Variants in GCH1 observed in about 807,000 individuals in gnomAD.
GCH1 encodes the protein GTP cyclohydrolase I.
GCH1 carries 5 observed loss-of-function variants against 25.9 expected under a neutral mutation model. The observed-to-expected ratio is 0.19, with a 90% CI of 0.10 to 0.41. The LOEUF is 0.41. Among genes scored for constraint, GCH1 ranks in the 10% least tolerant of loss-of-function variants. GCH1 has a pLI of 1.00. For missense variants in GCH1, 261 were observed against 336.5 expected (o/e 0.78, Z 1.75); for synonymous variants, 159 against 129.6 (o/e 1.23, Z -1.54).
intron 1 of GCH1, among the ~76,000 whole-genome samples, chr14:54,872,047 A>C (rs1199824658): frequency 6.6e-6 from 1 of 152,154 alleles, no homozygotes; most frequent in Non-Finnish European, 1.5e-5. Context: ...CATAATTGTC[A>C]GATTCACCAA....
intron 1 of GCH1, among the ~76,000 whole-genome samples, chr14:54,868,721 C>T (rs1012698151): frequency 1.3e-5 from 2 of 151,936 alleles, no homozygotes; most frequent in Admixed American, 6.6e-5. Context: ...CCTGCCTCAG[C>T]CTCCTAAGTA....
chr14:54,871,927 G>C (rs1284968894), intron 1 of GCH1, among the ~76,000 whole-genome samples: 2 of 152,132 alleles, frequency 1.3e-5, no homozygotes, highest in Non-Finnish European at 2.9e-5. Context: ...CACTCTGCAG[G>C]ATATCATCCA....
chr14:54,859,742 G>A lies in GCH1; in HGVS notation c.454-6C>T. 1.3e-6 allele frequency: 2 copies of A among 1,551,562 alleles called. No homozygotes were observed. Among genetic ancestry groups the A allele is most frequent in the Non-Finnish European group, 1.8e-6 (2 of 1,122,936 alleles). ...GGAAGATAACCAATATGGACCTTCAGAGAAGAGACGGAAATCATTAGCTGA... is the reference window on the plus strand; with the variant it reads ...GGAAGATAACCAATATGGACCTTCAAAGAAGAGACGGAAATCATTAGCTGA... On this transcript the variant is annotated splice_polypyrimidine_tract_variant and splice_region_variant and intron_variant, in intron 2 of 5. Coordinates refer to ENST00000491895, the MANE Select transcript of GCH1 (RefSeq NM_000161.3).
intron 5 of GCH1, 146 bp downstream of exon 5, chr14:54,845,622 A>T: frequency 1.4e-6 from 1 of 708,212 alleles, no homozygotes; most frequent in East Asian, 2.6e-5. Context: ...AAGTGGTAAA[A>T]GAGCTTTAGG....
At chr14:54,888,354 G>C (rs1161783564) in intron 1 of GCH1, among the ~76,000 whole-genome samples, 1 of 151,992 alleles carries the variant, frequency 6.6e-6, no homozygotes. Flanking sequence ...CAGAGACCTC[G>C]GCATGACAAT....
chr14:54,862,468 G>C (rs1379392668), intron 2 of GCH1, among the ~76,000 whole-genome samples: 1 of 134,084 alleles, frequency 7.5e-6, no homozygotes, highest in East Asian at 2.2e-4. Flanking sequence ...CTGCAGCCTC[G>C]ACCTCCTGGG....
chr14:54,881,809 A>T (rs1021163610), intron 1 of GCH1, among the ~76,000 whole-genome samples: 1 of 152,226 alleles, frequency 6.6e-6, no homozygotes, highest in Non-Finnish European at 1.5e-5. Flanking sequence ...AGACAAATTC[A>T]TATGTTGCTC....
chr14:54,847,139 G>C lies in GCH1; in HGVS notation c.510-9C>G, dbSNP rs1432670962. 1.0e-6 allele frequency: 1 copy of C among 973,292 alleles called. No individual in the cohort carries two copies. The highest frequency in any genetic ancestry group is 1.9e-5 in the Admixed American group (1 of 52,668). The allele number at this position is 973,292 out of a possible 1,614,324, so 60.3% of individuals were successfully genotyped here. On this transcript the variant is annotated splice_polypyrimidine_tract_variant and intron_variant, in intron 3 of 5. Transcript: ENST00000491895. ...TATAGATTTCTACAATCCTAGAAAA[G>C]AAAGAATTGTTTTAGTTAATCACAA...
intron 1 of GCH1, among the ~76,000 whole-genome samples, chr14:54,866,444 C>T (rs1391054679): frequency 4.0e-5 from 6 of 151,668 alleles, no homozygotes; most frequent in East Asian, 1.9e-4. Context: ...ATTTCATTTT[C>T]GGAAAATAAA....
At chr14:54,856,774 G>C (rs1021899974) in intron 3 of GCH1, among the ~76,000 whole-genome samples, 1 of 152,050 alleles carries the variant, frequency 6.6e-6, no homozygotes, top group Non-Finnish European at 1.5e-5. Flanking sequence ...ATTTCTAAGG[G>C]AAGAAAATGA....
chr14:54,898,837 CTCTT>C (rs1330996078), intron 1 of GCH1, among the ~76,000 whole-genome samples: 3 of 152,184 alleles, frequency 2.0e-5, no homozygotes, highest in Non-Finnish European at 4.4e-5. Context: ...CCAGGCTGGT[CTCTT>C]TCTAACTCCT....
chr14:54,886,611 A>AAAAAC (rs1049454139), intron 1 of GCH1, among the ~76,000 whole-genome samples: 1 of 152,208 alleles, frequency 6.6e-6, no homozygotes, highest in African/African-American at 2.4e-5. Context: ...AACTGTCTCA[A>AAAAAC]AAAACAAAAC....
intron 3 of GCH1, among the ~76,000 whole-genome samples, chr14:54,848,405 G>A (rs2039677142): frequency 6.6e-6 from 1 of 152,144 alleles, no homozygotes; most frequent in African/African-American, 2.4e-5. Flanking sequence ...AAAATGCTAG[G>A]ATTACAGGCG....
intron 1 of GCH1, among the ~76,000 whole-genome samples, chr14:54,899,565 C>T (rs1223002430): frequency 6.6e-6 from 1 of 151,914 alleles, no homozygotes; most frequent in Non-Finnish European, 1.5e-5. Flanking sequence ...TTCTCCTGAG[C>T]AACAACTATC....
intron 3 of GCH1, among the ~76,000 whole-genome samples, chr14:54,850,769 G>A (rs1488671456): frequency 2.0e-5 from 3 of 152,100 alleles, no homozygotes; most frequent in Non-Finnish European, 4.4e-5. Context: ...CAGAATGATG[G>A]TTTCCAGCTT....
intron 1 of GCH1, among the ~76,000 whole-genome samples, chr14:54,869,297 C>T (rs2040035742): frequency 6.6e-6 from 1 of 152,116 alleles, no homozygotes; most frequent in African/African-American, 2.4e-5. Flanking sequence ...CCTTGGCCCC[C>T]CAAAGTGCTG....
At chr14:54,888,591 C>G (rs984068395) in intron 1 of GCH1, among the ~76,000 whole-genome samples, 1 of 151,896 alleles carries the variant, frequency 6.6e-6, no homozygotes, top group Admixed American at 6.6e-5. Flanking sequence ...CCGCTCACTG[C>G]AAGCTCTGCC....
chr14:54,872,182 G>A (rs1283284164), intron 1 of GCH1, among the ~76,000 whole-genome samples: 2 of 152,096 alleles, frequency 1.3e-5, no homozygotes, highest in African/African-American at 4.8e-5. Flanking sequence ...AAGAGAGTGG[G>A]GGCCAATATT....
At chr14:54,874,434 A>T (rs1382183581) in intron 1 of GCH1, among the ~76,000 whole-genome samples, 1 of 152,242 alleles carries the variant, frequency 6.6e-6, no homozygotes, top group Non-Finnish European at 1.5e-5. Context: ...AACTGGCACA[A>T]GACAGGGATG....
Sources: allele counts gnomAD v4.1 joint callset (sites outside exome capture counted in the v4.1 genomes callset), GRCh38; gene constraint gnomAD v4.1.1; transcripts MANE v1.5; gene names NCBI Gene and HGNC (gene_info 2026-07-23, HGNC 2026-07-21).